The following CNBD1 variants were observed in gnomAD, a reference collection of about 807,000 sequenced individuals.
CNBD1 encodes the protein cyclic nucleotide binding domain containing 1.
Under a neutral mutation model 54.4 loss-of-function variants are expected in CNBD1, and 71 were observed. The observed-to-expected ratio is 1.30, with a 90% CI of 1.08 to 1.59. CNBD1 has a LOEUF of 1.59. Among genes scored for constraint, CNBD1 ranks in the 40% most tolerant of loss-of-function variants. The pLI is 0.00. For missense variants in CNBD1, 659 were observed against 518.0 expected (o/e 1.27, Z -2.64); for synonymous variants, 182 against 170.7 (o/e 1.07, Z -0.51).
intron 4 of CNBD1, among the ~76,000 whole-genome samples, chr8:87,001,162 T>C (rs1340749252): frequency 6.6e-6 from 1 of 152,094 alleles, no homozygotes. Context: ...ATTTTTTACT[T>C]ATGTCTGTTC....
chr8:87,387,190 G>T (rs971131479), downstream of CNBD1, among the ~76,000 whole-genome samples: 3 of 152,138 alleles, frequency 2.0e-5, no homozygotes, highest in Admixed American at 2.0e-4. Flanking sequence ...GGAAGAAACT[G>T]CATCAACTAA....
intron 4 of CNBD1, among the ~76,000 whole-genome samples, chr8:87,126,630 G>T (rs1001124669): frequency 2.0e-5 from 3 of 151,900 alleles, no homozygotes; most frequent in Admixed American, 1.3e-4. Context: ...CATTTTTGAA[G>T]AGTAGAAGTT....
At chr8:87,284,642 G>A in intron 6 of CNBD1, 36 bp from the exon 7 acceptor site, 2 of 1,563,688 alleles carry the variant, frequency 1.3e-6, no homozygotes, top group Middle Eastern at 1.7e-4. Context: ...TTGATGAGTG[G>A]TAATAAACAT....
chr8:87,123,322 T>G (rs1811926022), intron 4 of CNBD1, among the ~76,000 whole-genome samples: 2 of 151,696 alleles, frequency 1.3e-5, no homozygotes. Flanking sequence ...TTATATCAAG[T>G]GTGGCAATGG....
chr8:87,060,259 G>C (rs1373152543), intron 4 of CNBD1, among the ~76,000 whole-genome samples: 2 of 151,964 alleles, frequency 1.3e-5, no homozygotes, highest in African/African-American at 4.8e-5. Flanking sequence ...TAGGAACTGG[G>C]GCACAATAAA....
intron 4 of CNBD1, among the ~76,000 whole-genome samples, chr8:86,975,931 T>C (rs1808330732): frequency 1.3e-5 from 2 of 151,980 alleles, no homozygotes; most frequent in Admixed American, 1.3e-4. Context: ...TTTTAACAGG[T>C]GTGAGGTGAT....
At chr8:87,047,004 A>G (rs1169795611) in intron 4 of CNBD1, among the ~76,000 whole-genome samples, 5 of 152,354 alleles carry the variant, frequency 3.3e-5, no homozygotes, top group South Asian at 4.1e-4. Flanking sequence ...GCTCAAATTT[A>G]GAATCACAGT....
chr8:87,347,170 G>GT (rs977951461), intron 8 of CNBD1, among the ~76,000 whole-genome samples: 1 of 152,090 alleles, frequency 6.6e-6, no homozygotes, highest in South Asian at 2.1e-4. Context: ...TTTTATTAAT[G>GT]TTTTTTGATA....
chr8:87,291,806 C>T (rs1808791719), intron 8 of CNBD1, among the ~76,000 whole-genome samples: 1 of 152,146 alleles, frequency 6.6e-6, no homozygotes, highest in Non-Finnish European at 1.5e-5. Context: ...TCTTAACACT[C>T]ATTATGCTGT....
At chr8:87,127,322 C>T (rs1474817219) in intron 4 of CNBD1, among the ~76,000 whole-genome samples, 1 of 152,070 alleles carries the variant, frequency 6.6e-6, no homozygotes, top group East Asian at 1.9e-4. Flanking sequence ...TTTAGGTCCT[C>T]TCTAATTTCT....
chr8:86,948,648 T>C (rs1406383635), intron 4 of CNBD1, among the ~76,000 whole-genome samples: 1 of 152,188 alleles, frequency 6.6e-6, no homozygotes, highest in Non-Finnish European at 1.5e-5. Flanking sequence ...TTCTTATCTA[T>C]TCTGGTTATT....
chr8:87,282,828 A>G (rs1284059543), intron 6 of CNBD1, among the ~76,000 whole-genome samples: 1 of 152,060 alleles, frequency 6.6e-6, no homozygotes, highest in African/African-American at 2.4e-5. Flanking sequence ...GCTTGAAATT[A>G]TTGCTAGCTA....
chr8:87,338,472 G>T (rs889946179), intron 8 of CNBD1, among the ~76,000 whole-genome samples: 9 of 151,482 alleles, frequency 5.9e-5, no homozygotes, highest in Non-Finnish European at 1.2e-4. Context: ...TGTTGTTGTT[G>T]TTGTTGTTTT....
rs1812964781 is a variant in CNBD1, at chr8:87,166,447, T to G, written c.432-39546T>G. Among the ~76,000 whole-genome samples, 1 of 152,010 alleles carries G rather than the reference T, an allele frequency of 6.6e-6. No homozygotes were observed. Among genetic ancestry groups the G allele is most frequent in the Admixed American group, 6.6e-5 (1 of 15,208 alleles). On this transcript the variant is annotated intron_variant, in intron 4 of 10. Transcript: ENST00000518476. The surrounding 1 kb of genome is among the most constrained non-coding windows in gnomAD (Gnocchi z 4.3). ...CCTAGTATTTACATAGCTGCTGAAA[T>G]GCTCTTTTCAAAACACAAACTGATT...
intron 8 of CNBD1, among the ~76,000 whole-genome samples, chr8:87,311,987 A>G (rs112515667): frequency 0.017 from 2,562 of 152,064 alleles, 77 homozygotes; most frequent in African/African-American, 0.055. Context: ...AAAACTAACT[A>G]TTGGATAGTA....
chr8:87,103,569 T>C (rs1811474458), intron 4 of CNBD1, among the ~76,000 whole-genome samples: 1 of 152,162 alleles, frequency 6.6e-6, no homozygotes, highest in South Asian at 2.1e-4. Flanking sequence ...TATGTCCTTC[T>C]TCACATGGCA....
intron 8 of CNBD1, among the ~76,000 whole-genome samples, chr8:87,344,919 C>A (rs1181924954): frequency 6.6e-6 from 1 of 152,090 alleles, no homozygotes; most frequent in Non-Finnish European, 1.5e-5. Flanking sequence ...TGGACAGTTA[C>A]CCTGGTTAAC....
intron 4 of CNBD1, among the ~76,000 whole-genome samples, chr8:87,195,348 C>A (rs1813696136): frequency 6.6e-6 from 1 of 151,456 alleles, no homozygotes; most frequent in Non-Finnish European, 1.5e-5. Context: ...TCTGCCTCAG[C>A]CTCCCAAATA....
At chr8:87,018,500 T>C (rs898919833) in intron 4 of CNBD1, among the ~76,000 whole-genome samples, 10 of 152,330 alleles carry the variant, frequency 6.6e-5, no homozygotes, top group African/African-American at 2.4e-4. Flanking sequence ...ATAATAATCC[T>C]CTAAAAAGTA....
Sources: gnomAD v4.1 joint callset for allele counts (sites outside exome capture counted in the v4.1 genomes callset) on GRCh38, gnomAD v4.1.1 for gene constraint, Gnocchi (gnomAD v3.1) non-coding constraint, MANE v1.5 for transcripts, NCBI Gene and HGNC (gene_info 2026-07-23, HGNC 2026-07-21) for gene names.